The following TRAF2 variants were observed in gnomAD, a reference collection of about 807,000 sequenced individuals.
TRAF2 encodes the protein TNF receptor-associated factor 2.
Under a neutral mutation model 55.6 loss-of-function variants are expected in TRAF2, and 6 were observed. That is an observed-to-expected ratio of 0.11 (90% CI 0.06 to 0.21). The LOEUF is 0.21. TRAF2 is among the 10% of genes least tolerant of loss of function. The probability of loss-of-function intolerance (pLI) is 1.00; values close to 1 mark genes in which losing one functional copy is unlikely to be tolerated. For synonymous variants in TRAF2, 329 were observed against 276.3 expected (o/e 1.19, Z -1.89); for missense variants, 561 against 684.5 (o/e 0.82, Z 2.01).
intron 1 of TRAF2, among the ~76,000 whole-genome samples, chr9:136,898,123 C>T (rs1200917097): frequency 2.0e-5 from 3 of 151,736 alleles, no homozygotes; most frequent in South Asian, 2.1e-4. Context: ...GAGGGGAACC[C>T]GTGGTAGCTA....
chr9:136,920,643 C>T (rs1588443998), intron 8 of TRAF2, 128 bp downstream of exon 8: 2 of 1,282,820 alleles, frequency 1.6e-6, no homozygotes, highest in East Asian at 2.5e-5. Flanking sequence ...ATCTGCAAAC[C>T]CCAGTCCAGT....
chr9:136,886,174 T>A (rs1021842807), upstream of TRAF2: 5 of 155,460 alleles, frequency 3.2e-5, no homozygotes, highest in African/African-American at 1.2e-4. Flanking sequence ...TCGCCGCACC[T>A]GGGGAAGGGA....
intron 1 of TRAF2, among the ~76,000 whole-genome samples, chr9:136,895,996 G>C (rs952947122): frequency 2.6e-5 from 4 of 152,050 alleles, no homozygotes; most frequent in African/African-American, 9.7e-5. Context: ...GCCTCCCTGG[G>C]CTGCCTCCTG....
chr9:136,923,826 A>G, intron 9 of TRAF2, 26 bp from the exon 10 acceptor site: 1 of 1,610,154 alleles, frequency 6.2e-7, no homozygotes, highest in Non-Finnish European at 8.5e-7. Flanking sequence ...GTGTCAGCTC[A>G]CCAGGCACCC....
intron 2 of TRAF2, among the ~76,000 whole-genome samples, 180 bp from the exon 3 acceptor site, chr9:136,899,414 T>C (rs145272979): frequency 1.3e-5 from 2 of 151,986 alleles, no homozygotes; most frequent in East Asian, 1.9e-4. Flanking sequence ...ATAAAAACAG[T>C]GTGCTGTGAA....
chr9:136,919,147 C>T (rs1476211082), intron 7 of TRAF2, among the ~76,000 whole-genome samples: 1 of 151,622 alleles, frequency 6.6e-6, no homozygotes, highest in Non-Finnish European at 1.5e-5. Flanking sequence ...TACAGCCTCC[C>T]TCTCCTGGGT....
At chr9:136,921,265 C>T (rs753382261) in intron 9 of TRAF2, 50 bp downstream of exon 9, 1 of 1,606,282 alleles carries the variant, frequency 6.2e-7, no homozygotes, top group Non-Finnish European at 8.5e-7. Flanking sequence ...TACTTGGCAC[C>T]TGGGTCCCCT....
intron 1 of TRAF2, among the ~76,000 whole-genome samples, chr9:136,894,506 T>A (rs1430672650): frequency 1.3e-5 from 2 of 151,810 alleles, no homozygotes; most frequent in African/African-American, 2.4e-5. Context: ...GGGGCAGGTG[T>A]GCAGATCCAT....
chr9:136,895,961 C>T (rs1019518688), intron 1 of TRAF2, among the ~76,000 whole-genome samples: 2 of 152,124 alleles, frequency 1.3e-5, no homozygotes, highest in African/African-American at 4.8e-5. Flanking sequence ...GCCCTCCACC[C>T]TTAGGCCAGG....
intron 4 of TRAF2, among the ~76,000 whole-genome samples, chr9:136,907,398 A>C (rs1258278331): frequency 6.6e-6 from 1 of 152,222 alleles, no homozygotes; most frequent in Non-Finnish European, 1.5e-5. Flanking sequence ...GGGAACGTGT[A>C]GGTGCCTGAG....
In TRAF2 at chr9:136,898,832, A is replaced by G. The variant is rs1849748311; in HGVS notation, c.92A>G (p.Lys31Arg). The G allele has an allele frequency of 6.2e-7, 1 of 1,613,664 alleles. No homozygotes were observed. The highest frequency in any genetic ancestry group is 1.3e-5 in the African/African-American group (1 of 74,938). Residue 31 changes from lysine (K) to arginine (R), a missense_variant, in exon 2 of 11, where the codon AAG becomes AGG. Coordinates refer to ENST00000247668, the MANE Select transcript of TRAF2 (RefSeq NM_021138.4). ...CTCCTGGGGACCAAGCTGGAAGCCA[A>G]GTACCTGTGCTCCGCCTGCAGAAAC... The part of the protein sequence containing the change: ...KTLLGTKLEA[K>R]YLCSACRNVL...
upstream of TRAF2, chr9:136,881,964 G>A: frequency 1.3e-5 from 13 of 985,526 alleles, no homozygotes; most frequent in African/African-American, 1.7e-5. Flanking sequence ...CTGCAGCACA[G>A]GGCTGACATG....
intron 1 of TRAF2, among the ~76,000 whole-genome samples, chr9:136,893,093 A>T (rs554566655): frequency 8.5e-5 from 13 of 152,276 alleles, no homozygotes; most frequent in African/African-American, 3.1e-4. Context: ...CTACCACCTC[A>T]GTTTGCCACG....
intron 1 of TRAF2, among the ~76,000 whole-genome samples, chr9:136,897,569 G>C (rs1027598384): frequency 9.9e-5 from 15 of 151,510 alleles, no homozygotes; most frequent in African/African-American, 3.6e-4. Flanking sequence ...CCAGCCCCAG[G>C]TGTGCTACGT....
At chr9:136,883,501 G>A (rs1849397639), upstream of TRAF2, among the ~76,000 whole-genome samples, 2 of 152,088 alleles carry the variant, frequency 1.3e-5, no homozygotes, top group South Asian at 2.1e-4. Flanking sequence ...GAAGTAGAGT[G>A]TCCTAAAACA....
Position 136,923,908 on chromosome 9 carries a change from G to T in TRAF2, c.1195G>T (p.Asp399Tyr). ...KMCLRIYLNG[D>Y]GTGRGTHLSL... ...GTGTCTGCGTATCTACCTGAACGGC[G>T]ACGGCACCGGGCGAGGAACACACCT... The change falls in exon 10 of 11, where the codon GAC becomes TAC. Residue 399 changes from aspartate to tyrosine, a missense_variant. Around this residue, in one of 2 missense-constraint regions of TRAF2, gnomAD observed 135 missense variants for 207.7 expected, o/e 0.65. Transcript: ENST00000247668. 6.2e-7 allele frequency: 1 copy of T among 1,613,954 alleles called. No individual in the cohort carries two copies. Among genetic ancestry groups the T allele is most frequent in the Non-Finnish European group, 8.5e-7 (1 of 1,180,006 alleles).
intron 1 of TRAF2, among the ~76,000 whole-genome samples, chr9:136,889,972 A>G (rs1293905534): frequency 7.5e-6 from 1 of 133,006 alleles, no homozygotes; most frequent in East Asian, 2.3e-4. Flanking sequence ...ACGCTCGTTC[A>G]GCCGGTCACC....
At chr9:136,921,252 G>A (rs1850378311) in intron 9 of TRAF2, 37 bp downstream of exon 9, 4 of 1,610,056 alleles carry the variant, frequency 2.5e-6, no homozygotes, top group Non-Finnish European at 3.4e-6. Flanking sequence ...TGCAGCTGCT[G>A]TTTACTTGGC....
At chr9:136,913,730 C>T (rs1383385306) in intron 6 of TRAF2, among the ~76,000 whole-genome samples, 3 of 152,014 alleles carry the variant, frequency 2.0e-5, no homozygotes, top group African/African-American at 4.8e-5. Context: ...TGTTCTTTGA[C>T]GATGTAAACT....
Sources: allele counts gnomAD v4.1 joint callset (sites outside exome capture counted in the v4.1 genomes callset), GRCh38; gene constraint gnomAD v4.1.1; regional missense constraint gnomAD v4.1.1; transcripts MANE v1.5; gene names NCBI Gene and HGNC (gene_info 2026-07-23, HGNC 2026-07-21).